The following BUB1 variants were observed in gnomAD, a reference collection of about 807,000 sequenced individuals.
BUB1 encodes mitotic checkpoint serine/threonine-protein kinase BUB1.
A neutral mutation model predicts 135.2 loss-of-function variants in BUB1; 84 were observed. The ratio of observed to expected loss-of-function variants is 0.62; its 90% CI spans 0.52 to 0.74. BUB1 has a LOEUF of 0.74. Ranked by LOEUF, BUB1 falls within the 30% of genes least tolerant of loss-of-function variation. The pLI is 0.00. For synonymous variants in BUB1, 403 were observed against 434.4 expected, an observed-to-expected ratio of 0.93 and a Z score of 0.90; for missense variants, 1,162 against 1,288.3, an observed-to-expected ratio of 0.90 and a Z score of 1.50.
At position 110,641,680 on chromosome 2, in the gene BUB1, C is replaced by T; in HGVS notation, c.2587G>A (p.Val863Ile). The T allele has an allele frequency of 6.2e-7, 1 of 1,613,398 alleles. No individual in the cohort carries two copies. The highest frequency in any genetic ancestry group is 1.7e-5 in the Admixed American group (1 of 60,002). Residue 863 changes from valine to isoleucine, a missense_variant, in exon 21 of 25, where the codon GTA becomes ATA. Val to Ile is a conservative substitution (Grantham distance 29). Coordinates refer to ENST00000302759, the MANE Select transcript of BUB1 (RefSeq NM_004336.5). Reference protein sequence around the residue: ...YSAHLFQNGSVLVGELYSYGT... With the variant: ...YSAHLFQNGSILVGELYSYGT... ...TAGCTGTAGAGCTCTCCTACTAATA[C>T]ACTGCCATTCTGGAATAAGTGGGCA...
intron 1 of BUB1, among the ~76,000 whole-genome samples, chr2:110,675,694 C>T (rs1441836979): frequency 1.3e-5 from 2 of 151,858 alleles, no homozygotes; most frequent in African/African-American, 4.8e-5. Flanking sequence ...CTCTGTTGCC[C>T]ACGCTGGAGT....
Position 110,674,069 on chromosome 2 carries a change from A to G in BUB1, c.225+17T>C, listed in dbSNP as rs1266940901. The G allele has an allele frequency of 1.1e-5, 17 of 1,479,576 alleles. No individual in the cohort carries two copies. Among genetic ancestry groups the G allele is most frequent in the Non-Finnish European group, 1.6e-5 (17 of 1,074,864 alleles). 91.7% of individuals were successfully genotyped at this position (1,479,576 alleles called of 1,614,324 possible). ...AACATGATTATAGATTTGATTATAC[A>G]TCTTAAGTATACTTACAAATTTTAA... On this transcript the variant is annotated intron_variant, in intron 3 of 24. Transcript: ENST00000302759.
chr2:110,641,581 C>G (rs1559163255), intron 21 of BUB1, 61 bp downstream of exon 21: 4 of 1,575,158 alleles, frequency 2.5e-6, no homozygotes, highest in Admixed American at 1.8e-5. Flanking sequence ...AAAGTACGTG[C>G]AAGGTACAAG....
rs747129448 is a variant in BUB1 at position 110,641,640 on chromosome 2, A to C, written c.2625+2T>G. The C allele has an allele frequency of 1.2e-6, 2 of 1,609,774 alleles. No homozygotes were observed. Among genetic ancestry groups the C allele is most frequent in the Admixed American group, 3.4e-5 (2 of 59,242 alleles). On this transcript the variant is annotated splice_donor_variant, in intron 21 of 24. Transcript: ENST00000302759. LOFTEE classifies it high-confidence loss of function. ...GTGCTCATCATAAAAATGAATACTT[A>C]CTAATAATGTTCCATAGCTGTAGAG... is the stretch of plus-strand genomic sequence containing the variant.
chr2:110,676,460 C>T (rs547597116), intron 1 of BUB1: 1 of 152,302 alleles, frequency 6.6e-6, no homozygotes, highest in East Asian at 1.9e-4. Context: ...GACTGATTTG[C>T]TTTTGATCCA....
chr2:110,638,088 GGAA>G lies in BUB1; in HGVS notation c.3131_3133del (p.Leu1044del), dbSNP rs1236728691. 6.2e-7 allele frequency: 1 copy of G among 1,611,932 alleles called. No individual in the cohort carries two copies. The highest frequency in any genetic ancestry group is 1.1e-5 in the South Asian group (1 of 90,622). ...CTTTTGCCTTAACAAATCCAAAGAT[GGAA>G]GATGATGACAATCTGGAATATTCAA... On this transcript the variant is annotated inframe_deletion, in exon 25 of 25. Transcript: ENST00000302759.
intron 17 of BUB1, 120 bp downstream of exon 17, chr2:110,653,316 C>G: frequency 3.1e-6 from 3 of 982,024 alleles, no homozygotes; most frequent in Non-Finnish European, 4.6e-6. Context: ...CTTTATTGGC[C>G]TTTAAGGCTA....
At chr2:110,660,226 A>G (rs1298366819) in intron 10 of BUB1, among the ~76,000 whole-genome samples, 190 bp from the exon 11 acceptor site, 1 of 152,112 alleles carries the variant, frequency 6.6e-6, no homozygotes. Context: ...ACAAAAAAAC[A>G]TTAGCGGGGT....
At chr2:110,640,909 T>A (rs763709278) in intron 23 of BUB1, 125 bp downstream of exon 23, 30 of 928,902 alleles carry the variant, frequency 3.2e-5, no homozygotes, top group Non-Finnish European at 4.7e-5. Flanking sequence ...GGCCTTAGGC[T>A]CATCTCTCCT....
Position 110,641,369 on chromosome 2 carries a change from T to G in BUB1, c.2721A>C (p.Gln907His). ...CATGAATGATTTCACAGTCATGCAC[T>G]TGCTCAATCATGTAAAGCATTCTCA... Reference protein sequence around the residue: ...FAMRMLYMIEQVHDCEIIHGD... With the variant: ...FAMRMLYMIEHVHDCEIIHGD... The change falls in exon 22 of 25, where the codon CAA becomes CAC. Residue 907 changes from glutamine to histidine, a missense_variant. Physicochemically the swap from Gln to His is conservative, Grantham distance 24 (BLOSUM62 0). Transcript: ENST00000302759. The G allele has an allele frequency of 1.2e-6, 2 of 1,614,096 alleles. No homozygotes were observed. The highest frequency in any genetic ancestry group is 1.7e-6 in the Non-Finnish European group (2 of 1,180,010).
At chr2:110,670,008 T>A (rs951971070) in intron 5 of BUB1, among the ~76,000 whole-genome samples, 5 of 152,130 alleles carry the variant, frequency 3.3e-5, no homozygotes, top group African/African-American at 1.2e-4. Flanking sequence ...GGTTTGAGCT[T>A]TTAAAATGCT....
At chr2:110,666,820 C>T (rs1050478528) in intron 8 of BUB1, among the ~76,000 whole-genome samples, 2 of 152,130 alleles carry the variant, frequency 1.3e-5, no homozygotes, top group African/African-American at 4.8e-5. Context: ...GTGAACTGCA[C>T]TAAATGATCA....
At chr2:110,654,438 A>G (rs1010122751) in intron 16 of BUB1, among the ~76,000 whole-genome samples, 1 of 152,200 alleles carries the variant, frequency 6.6e-6, no homozygotes, top group Non-Finnish European at 1.5e-5. Context: ...AATACTGCAC[A>G]CAGCCAAGTA....
chr2:110,650,798 A>AG lies in BUB1; in HGVS notation c.1965-15dup, dbSNP rs1689765894. 6 of 1,601,342 alleles carry AG rather than the reference A, an allele frequency of 3.7e-6. No individual in the cohort carries two copies. Among genetic ancestry groups the AG allele is most frequent in the Non-Finnish European group, 4.3e-6 (5 of 1,168,928 alleles). On this transcript the variant is annotated splice_polypyrimidine_tract_variant and intron_variant, in intron 17 of 24. Coordinates refer to ENST00000302759, the MANE Select transcript of BUB1 (RefSeq NM_004336.5). ...TCTTGAATTGGACTGGACGTGTGAAAGGAATAAAGAAACCAAAACACCACA... is the reference window on the plus strand; with the variant it reads ...TCTTGAATTGGACTGGACGTGTGAAAGGGAATAAAGAAACCAAAACACCACA...
chr2:110,659,455 G>A (rs1574326481), intron 11 of BUB1, among the ~76,000 whole-genome samples: 1 of 152,132 alleles, frequency 6.6e-6, no homozygotes, highest in East Asian at 1.9e-4. Flanking sequence ...GGCACCTACA[G>A]AGCAGGCTCA....
chr2:110,655,975 C>T (rs1689924816), intron 15 of BUB1, 59 bp from the exon 16 acceptor site: 2 of 1,495,906 alleles, frequency 1.3e-6, no homozygotes, highest in African/African-American at 2.8e-5. Flanking sequence ...TCCATGAAAC[C>T]TTATTCAATA....
rs1393761545 is a variant in BUB1 at position 110,657,067 on chromosome 2, C to T, written c.1667G>A (p.Arg556His). The change falls in exon 15 of 25, where the codon CGC (arginine) becomes CAC (histidine). Residue 556 changes from arginine to histidine, a missense_variant. Transcript: ENST00000302759. ...TTTTGAAGGAAGTCTGCTGACAGAG[C>T]GTTCTCCAAAGGTCCTGGCTCCTGT... is the stretch of plus-strand genomic sequence containing the variant. ...KPTGARTFGE[R>H]SVSRLPSKPK... 2 of 1,612,810 alleles carry T rather than the reference C, an allele frequency of 1.2e-6. No individual in the cohort carries two copies. Among genetic ancestry groups the T allele is most frequent in the South Asian group, 1.1e-5 (1 of 90,894 alleles).
intron 4 of BUB1, among the ~76,000 whole-genome samples, chr2:110,671,228 T>A (rs549179894): frequency 2.0e-5 from 3 of 152,314 alleles, no homozygotes; most frequent in Admixed American, 2.0e-4. Context: ...ACATATTAAA[T>A]AATTATTGTT....
At chr2:110,670,126 G>GTTT (rs377459142) in intron 5 of BUB1, among the ~76,000 whole-genome samples, 67 of 120,860 alleles carry the variant, frequency 5.5e-4, no homozygotes, top group Non-Finnish European at 7.7e-4. Context: ...AATTGGATGG[G>GTTT]TTTTTTTTTT....
Sources: gnomAD v4.1 joint callset for allele counts (sites outside exome capture counted in the v4.1 genomes callset) on GRCh38, gnomAD v4.1.1 for gene constraint, MANE v1.5 for transcripts, NCBI Gene and HGNC (gene_info 2026-07-23, HGNC 2026-07-21) for gene names.